KCNH5: variants seen among roughly 807,000 people sequenced by gnomAD.
The protein encoded by KCNH5 is potassium voltage-gated channel subfamily H member 5, also known as voltage-gated delayed rectifier potassium channel KCNH5.
KCNH5 carries 46 observed loss-of-function variants against 96.1 expected under a neutral mutation model. The observed-to-expected ratio is 0.48, with a 90% CI of 0.38 to 0.61. KCNH5 has a LOEUF of 0.61. Among genes scored for constraint, KCNH5 ranks in the 20% least tolerant of loss-of-function variants. The pLI, the probability that KCNH5 is intolerant of heterozygous loss-of-function variation, is 0.00. For missense variants in KCNH5, 907 were observed against 1,225.8 expected (o/e 0.74, Z 3.88); for synonymous variants, 439 against 449.8 (o/e 0.98, Z 0.30).
At chr14:62,833,245 C>T (rs1887394876) in intron 8 of KCNH5, among the ~76,000 whole-genome samples, 1 of 151,856 alleles carries the variant, frequency 6.6e-6, no homozygotes, top group Admixed American at 6.6e-5. Context: ...AAGATTTTCT[C>T]ATATGTTTTC....
intron 10 of KCNH5, chr14:62,712,676 C>T (rs1284183681): frequency 3.9e-6 from 3 of 778,604 alleles, no homozygotes; most frequent in South Asian, 2.7e-5. Flanking sequence ...TCACACCCAG[C>T]AGGTCACCCT....
chr14:62,994,964 T>C (rs922064696), intron 4 of KCNH5, among the ~76,000 whole-genome samples: 2 of 152,116 alleles, frequency 1.3e-5, no homozygotes, highest in Non-Finnish European at 2.9e-5. Flanking sequence ...AGTGTTGACA[T>C]TACCCAGTGC....
intron 7 of KCNH5, among the ~76,000 whole-genome samples, chr14:62,928,865 A>G (rs1003946971): frequency 1.3e-5 from 2 of 152,042 alleles, no homozygotes; most frequent in African/African-American, 4.8e-5. Context: ...GCCAGAGTTT[A>G]GTGCTTAGAC....
chr14:62,827,291 T>A (rs1038365636), intron 8 of KCNH5, among the ~76,000 whole-genome samples: 1 of 152,168 alleles, frequency 6.6e-6, no homozygotes, highest in Non-Finnish European at 1.5e-5. Context: ...CTACCCAAAG[T>A]ACGGTTTGTG....
intron 8 of KCNH5, among the ~76,000 whole-genome samples, chr14:62,839,356 T>A (rs1199450602): frequency 6.6e-6 from 1 of 152,186 alleles, no homozygotes; most frequent in Non-Finnish European, 1.5e-5. Context: ...TAATATATTC[T>A]AACATTTATT....
intron 6 of KCNH5, among the ~76,000 whole-genome samples, chr14:62,973,187 T>C (rs1890441447): frequency 6.6e-6 from 1 of 152,098 alleles, no homozygotes; most frequent in South Asian, 2.1e-4. Context: ...AAAATTAAAG[T>C]CTATTTTTAA....
chr14:62,890,186 C>A (rs1474293931), intron 7 of KCNH5, among the ~76,000 whole-genome samples: 2 of 152,146 alleles, frequency 1.3e-5, no homozygotes, highest in African/African-American at 4.8e-5. Flanking sequence ...GATTTCATGA[C>A]AAAGACACCA....
chr14:62,862,425 TTG>T (rs1247343486), intron 7 of KCNH5, among the ~76,000 whole-genome samples: 2 of 152,196 alleles, frequency 1.3e-5, no homozygotes. Flanking sequence ...TTCTAAATCT[TTG>T]TTCATACAGT....
chr14:62,787,245 A>C (rs1204521027), intron 9 of KCNH5, among the ~76,000 whole-genome samples: 3 of 152,324 alleles, frequency 2.0e-5, no homozygotes, highest in African/African-American at 7.2e-5. Flanking sequence ...ACTGCTGATA[A>C]GGAGAAAGTT....
intron 10 of KCNH5, among the ~76,000 whole-genome samples, chr14:62,738,442 A>G (rs4533187): frequency 0.096 from 14,632 of 152,216 alleles, 1,101 homozygotes; most frequent in East Asian, 0.28. Context: ...TGGGTGCCTC[A>G]AAGAGCTCAT....
intron 4 of KCNH5, among the ~76,000 whole-genome samples, chr14:62,996,813 G>A (rs1381785789): frequency 6.6e-6 from 1 of 152,094 alleles, no homozygotes; most frequent in African/African-American, 2.4e-5. Flanking sequence ...CTTCATCTGT[G>A]CCATGAAATC....
chr14:62,775,756 T>G (rs1014613125), intron 10 of KCNH5, among the ~76,000 whole-genome samples: 1 of 152,192 alleles, frequency 6.6e-6, no homozygotes, highest in Admixed American at 6.5e-5. Context: ...CTTCTTCCAG[T>G]CCTCTTTTTT....
At chr14:62,838,532 T>C (rs1887510726) in intron 8 of KCNH5, among the ~76,000 whole-genome samples, 1 of 152,114 alleles carries the variant, frequency 6.6e-6, no homozygotes, top group Admixed American at 6.6e-5. Context: ...CAAAAGCTAA[T>C]GGGATTTATC....
intron 10 of KCNH5, chr14:62,712,857 C>T: frequency 1.5e-6 from 1 of 656,990 alleles, no homozygotes; most frequent in Admixed American, 2.6e-5. Context: ...TAAACACATG[C>T]TACCATTTTG....
chr14:62,957,913 A>G (rs972667751), intron 6 of KCNH5, among the ~76,000 whole-genome samples: 1 of 152,240 alleles, frequency 6.6e-6, no homozygotes, highest in Non-Finnish European at 1.5e-5. Context: ...CTGCAGACTC[A>G]TGAGTTGAAT....
chr14:62,942,735 T>C (rs924271759), intron 7 of KCNH5, among the ~76,000 whole-genome samples: 15 of 152,340 alleles, frequency 9.8e-5, no homozygotes, highest in South Asian at 6.2e-4. Context: ...GATGTTTACG[T>C]GATTACCAAT....
intron 7 of KCNH5, among the ~76,000 whole-genome samples, chr14:62,942,235 T>G (rs542508635): frequency 3.2e-4 from 49 of 152,232 alleles, no homozygotes; most frequent in African/African-American, 1.1e-3. Flanking sequence ...CTTAGAAGTA[T>G]AGAATGTTAG....
chr14:62,966,367 A>G (rs1890305819), intron 6 of KCNH5, among the ~76,000 whole-genome samples: 1 of 152,196 alleles, frequency 6.6e-6, no homozygotes, highest in Non-Finnish European at 1.5e-5. Flanking sequence ...TAGACCTCAT[A>G]GTAGTTTGTG....
chr14:62,996,738 T>G (rs928666130), intron 4 of KCNH5, among the ~76,000 whole-genome samples: 3 of 152,198 alleles, frequency 2.0e-5, no homozygotes, highest in African/African-American at 7.2e-5. Flanking sequence ...ATGTAGTTAC[T>G]GACACCACCA....
Sources: gnomAD v4.1 joint callset for allele counts (sites outside exome capture counted in the v4.1 genomes callset) on GRCh38, gnomAD v4.1.1 for gene constraint, MANE v1.5 for transcripts, NCBI Gene and HGNC (gene_info 2026-07-23, HGNC 2026-07-21) for gene names.